The following TRAPPC12 variants were observed in gnomAD, a reference collection of about 807,000 sequenced individuals.
TRAPPC12 encodes trafficking protein particle complex subunit 12, also known as TPR repeat protein 15.
Under a neutral mutation model 69.2 loss-of-function variants are expected in TRAPPC12, and 61 were observed. The ratio of observed to expected loss-of-function variants is 0.88; its 90% CI spans 0.72 to 1.09. TRAPPC12 has a LOEUF of 1.09. Ranked by LOEUF, TRAPPC12 falls within the 50% of genes least tolerant of loss-of-function variation. The pLI is 0.00. For synonymous variants in TRAPPC12, 469 were observed against 438.9 expected (o/e 1.07, Z -0.86); for missense variants, 1,101 against 1,016.4 (o/e 1.08, Z -1.13).
chr2:3,382,441 C>G lies in TRAPPC12; in HGVS notation c.-5+2565C>G, dbSNP rs74909523. 4.4e-4 allele frequency among the ~76,000 whole-genome samples: 67 copies of G among 151,956 alleles called. 1 individual carries two copies. The East Asian group carries it at 0.013, about 29-fold the overall frequency. ...AGCCACCACGCCCAGCCTACTTTTTCTTTTAGGACTTTAGAAGAAAGGTAT... is the reference window on the plus strand; with the variant it reads ...AGCCACCACGCCCAGCCTACTTTTTGTTTTAGGACTTTAGAAGAAAGGTAT... On this transcript the variant is annotated intron_variant, in intron 1 of 11. Transcript: ENST00000324266.
At chr2:3,463,692 T>C (rs1665640250) in intron 8 of TRAPPC12, among the ~76,000 whole-genome samples, 1 of 151,824 alleles carries the variant, frequency 6.6e-6, no homozygotes, top group African/African-American at 2.4e-5. Context: ...GCCCCCACCC[T>C]GCGCTCTCTG....
intron 2 of TRAPPC12, among the ~76,000 whole-genome samples, chr2:3,398,141 T>C (rs1661228470): frequency 6.6e-6 from 1 of 152,246 alleles, no homozygotes; most frequent in South Asian, 2.1e-4. Flanking sequence ...TTCTACCTTT[T>C]GGCTGTTGTG....
At chr2:3,457,761 C>G in intron 7 of TRAPPC12, 68 bp downstream of exon 7, 1 of 1,579,838 alleles carries the variant, frequency 6.3e-7, no homozygotes, top group South Asian at 1.2e-5. Flanking sequence ...CCCAAAGCCT[C>G]TCGCTTCCTC....
At chr2:3,464,618 T>C (rs1027586968) in intron 8 of TRAPPC12, among the ~76,000 whole-genome samples, 13 of 152,238 alleles carry the variant, frequency 8.5e-5, no homozygotes, top group Admixed American at 2.0e-4. Context: ...GAGCATTTAG[T>C]GCAGGGCCTG....
chr2:3,463,760 GTGAC>G (rs1665642932), intron 8 of TRAPPC12, among the ~76,000 whole-genome samples: 1 of 151,912 alleles, frequency 6.6e-6, no homozygotes, highest in Non-Finnish European at 1.5e-5. Context: ...GAATGACCCA[GTGAC>G]ACTGCCGGGC....
chr2:3,477,733 C>T lies in TRAPPC12; in HGVS notation c.1815C>T (p.Asp605=), dbSNP rs767868100. 1.4e-5 allele frequency: 23 copies of T among 1,607,638 alleles called. No individual in the cohort carries two copies. The Admixed American group carries it at 2.2e-4, about 16-fold the overall frequency. The change falls in exon 10 of 12, where the codon GAC becomes GAT. Residue 605 remains aspartate (D), a synonymous_variant. Transcript: ENST00000324266. ...DIKTAEKYFQ[D]VEKVTQKLDG... is the part of the protein sequence containing the mutation. Reference sequence around the variant, plus strand: ...AAACAGCTGAAAAGTATTTTCAAGACGTTGAGAAAGTAACACAGAAATTAG... The same window carrying T: ...AAACAGCTGAAAAGTATTTTCAAGATGTTGAGAAAGTAACACAGAAATTAG...
chr2:3,438,334 G>C (rs1212162730), intron 5 of TRAPPC12, among the ~76,000 whole-genome samples: 9 of 38,840 alleles, frequency 2.3e-4, no homozygotes, highest in Admixed American at 7.5e-4. Context: ...CATCACCCCT[G>C]GGTTAGCCCC....
intron 5 of TRAPPC12, among the ~76,000 whole-genome samples, chr2:3,431,837 T>A (rs2103074357): frequency 6.6e-6 from 1 of 152,360 alleles, no homozygotes; most frequent in South Asian, 2.1e-4. Context: ...GTGTTGTACA[T>A]ATTCACTATG....
chr2:3,421,972 G>C lies in TRAPPC12; in HGVS notation c.1256G>C (p.Ser419Thr). 6.2e-7 allele frequency: 1 copy of C among 1,613,344 alleles called. No homozygotes were observed. The highest frequency in any genetic ancestry group is 1.7e-4 in the Middle Eastern group (1 of 6,058). The change falls in exon 4 of 12, where the codon AGC (serine) becomes ACC (threonine). Residue 419 changes from serine to threonine, a missense_variant. Physicochemically the swap from Ser to Thr is moderately conservative, Grantham distance 58 (BLOSUM62 1). Transcript: ENST00000324266. ...QGYGKSGLLTSHTTDSLQLWF... is the reference protein window; with the variant it reads ...QGYGKSGLLTTHTTDSLQLWF... ...TACGGCAAGAGCGGGCTGCTCACCAGCCACACGACAGATTCACTGCAGGTG... is the reference window on the plus strand; with the variant it reads ...TACGGCAAGAGCGGGCTGCTCACCACCCACACGACAGATTCACTGCAGGTG...
chr2:3,393,574 G>A (rs1660949662), intron 2 of TRAPPC12, among the ~76,000 whole-genome samples: 1 of 151,926 alleles, frequency 6.6e-6, no homozygotes, highest in East Asian at 1.9e-4. Context: ...TTGGAATTCA[G>A]TACACAATGT....
At chr2:3,458,598 T>C (rs538552039) in intron 7 of TRAPPC12, 23 of 274,022 alleles carry the variant, frequency 8.4e-5, no homozygotes, top group African/African-American at 4.8e-4. Flanking sequence ...GTGTGTGCAC[T>C]TGTGCACTCT....
intron 3 of TRAPPC12, among the ~76,000 whole-genome samples, chr2:3,402,565 C>T (rs1661505502): frequency 6.6e-6 from 1 of 152,352 alleles, no homozygotes; most frequent in South Asian, 2.1e-4. Flanking sequence ...ACTGCCACTC[C>T]AGCCTCGGCT....
chr2:3,462,361 A>G (rs990718727), intron 8 of TRAPPC12, among the ~76,000 whole-genome samples: 3 of 152,238 alleles, frequency 2.0e-5, no homozygotes, highest in African/African-American at 7.2e-5. Context: ...TTTCATTTTC[A>G]TGAGTTAAAA....
chr2:3,410,205 TAATC>T (rs1234505691), intron 3 of TRAPPC12, among the ~76,000 whole-genome samples: 2 of 152,238 alleles, frequency 1.3e-5, no homozygotes, highest in African/African-American at 2.4e-5. Flanking sequence ...AGTGCACACT[TAATC>T]AATAGCAGCA....
At chr2:3,395,334 C>T (rs1038699541) in intron 2 of TRAPPC12, among the ~76,000 whole-genome samples, 6 of 151,996 alleles carry the variant, frequency 3.9e-5, no homozygotes, top group East Asian at 1.9e-4. Flanking sequence ...TTTCAAACTT[C>T]GGATGTTTGT....
At chr2:3,416,376 T>C (rs913281976) in intron 3 of TRAPPC12, among the ~76,000 whole-genome samples, 2 of 152,146 alleles carry the variant, frequency 1.3e-5, no homozygotes, top group African/African-American at 4.8e-5. Flanking sequence ...AGGGGCATTC[T>C]GTGAGCTTTC....
rs1316860924 is a variant in TRAPPC12, at chr2:3,479,235, C to T, written c.1982C>T (p.Ala661Val). ...PRNAVANNNAAVCLLYLGKLK... is the reference protein window; with the variant it reads ...PRNAVANNNAVVCLLYLGKLK... The stretch of plus-strand genomic sequence containing the variant: ...CCTCCCTAGGCCAACAACAACGCTG[C>T]CGTGTGTCTGCTCTACCTGGGCAAG... Residue 661 changes from alanine (A) to valine (V), a missense_variant, in exon 12 of 12, where the codon GCC (alanine) becomes GTC (valine). Ala to Val is a moderately conservative substitution (Grantham distance 64). Transcript: ENST00000324266. The T allele has an allele frequency of 2.5e-6, 4 of 1,613,784 alleles. No homozygotes were observed. Among genetic ancestry groups the T allele is most frequent in the Admixed American group, 3.3e-5 (2 of 60,018 alleles).
intron 2 of TRAPPC12, among the ~76,000 whole-genome samples, chr2:3,398,468 A>G (rs1426362994): frequency 1.3e-5 from 2 of 152,200 alleles, no homozygotes; most frequent in Admixed American, 6.5e-5. Context: ...CTGCCAGGAT[A>G]AACAGGCACC....
intron 7 of TRAPPC12, among the ~76,000 whole-genome samples, chr2:3,458,908 C>T (rs1349651352): frequency 6.6e-6 from 1 of 152,234 alleles, no homozygotes; most frequent in African/African-American, 2.4e-5. Flanking sequence ...CCATATTTTA[C>T]ATCCATTAAG....
Sources: gnomAD v4.1 joint callset for allele counts (sites outside exome capture counted in the v4.1 genomes callset) on GRCh38, gnomAD v4.1.1 for gene constraint, MANE v1.5 for transcripts, NCBI Gene and HGNC (gene_info 2026-07-23, HGNC 2026-07-21) for gene names.